The following NAV3 variants were observed in gnomAD, a reference collection of about 807,000 sequenced individuals.
NAV3 encodes the protein neuron navigator 3.
In NAV3, 87 loss-of-function variants were observed where a neutral mutation model predicts 244.7. The ratio of observed to expected loss-of-function variants is 0.36; its 90% CI spans 0.30 to 0.42. The LOEUF (loss-of-function observed/expected upper bound fraction) is 0.42. Ranked by LOEUF, NAV3 falls within the 20% of genes least tolerant of loss-of-function variation. The pLI is 1.00. For missense variants in NAV3, 2,663 were observed against 2,893.3 expected, an observed-to-expected ratio of 0.92 and a Z score of 1.83; for synonymous variants, 1,126 against 1,042.2, an observed-to-expected ratio of 1.08 and a Z score of -1.55.
chr12:77,986,046 G>T (rs1870447021), intron 5 of NAV3, among the ~76,000 whole-genome samples: 1 of 152,058 alleles, frequency 6.6e-6, no homozygotes. Flanking sequence ...ATTCTCACTT[G>T]GAAAAAAACT....
intron 2 of NAV3, among the ~76,000 whole-genome samples, chr12:77,635,401 G>A (rs1435630490): frequency 1.3e-5 from 2 of 152,176 alleles, no homozygotes; most frequent in African/African-American, 4.8e-5. Context: ...CCTTCTAAAA[G>A]AAGGGAATGT....
intron 7 of NAV3, 56 bp from the exon 8 acceptor site, chr12:78,006,363 T>C (rs1387680592): frequency 2.7e-6 from 4 of 1,493,380 alleles, no homozygotes; most frequent in Non-Finnish European, 3.6e-6. Flanking sequence ...AATTATGTAA[T>C]ATAAATGATC....
chr12:77,954,909 A>G (rs1447083517), intron 3 of NAV3, among the ~76,000 whole-genome samples: 1 of 152,170 alleles, frequency 6.6e-6, no homozygotes, highest in Non-Finnish European at 1.5e-5. Context: ...GGATGTATTC[A>G]TTGCAATACT....
chr12:78,047,522 C>A (rs1168890034), intron 9 of NAV3, among the ~76,000 whole-genome samples: 1 of 151,868 alleles, frequency 6.6e-6, no homozygotes, highest in South Asian at 2.1e-4. Context: ...AAAAAATGAA[C>A]GTTGAATATT....
At chr12:77,778,246 C>A (rs7964512) in intron 2 of NAV3, among the ~76,000 whole-genome samples, 80,886 of 143,388 alleles carry the variant, frequency 0.56, 23,023 homozygotes, top group South Asian at 0.69. Flanking sequence ...TTTCCTCCCC[C>A]CCGCCCCCCG....
Position 77,721,561 on chromosome 12 carries a change from G to C in NAV3, c.72+149295G>C, listed in dbSNP as rs144656498. On this transcript the variant is annotated intron_variant, in intron 2 of 8. Coordinates refer to the NAV3 transcript ENST00000550042. ...TAAATTAGTTCTAGATATTTGGTAGGAACATGGGTATAAAAACATGAAATA... is the reference window on the plus strand; with the variant it reads ...TAAATTAGTTCTAGATATTTGGTAGCAACATGGGTATAAAAACATGAAATA... Among the ~76,000 whole-genome samples, 1,156 of 152,144 alleles carry C rather than the reference G, an allele frequency of 7.6e-3. 16 individuals carry two copies. Among genetic ancestry groups the C allele is most frequent in the African/African-American group, 0.027 (1,107 of 41,504 alleles).
chr12:77,875,060 T>A (rs1271773577), intron 1 of NAV3, among the ~76,000 whole-genome samples: 3 of 152,186 alleles, frequency 2.0e-5, no homozygotes, highest in African/African-American at 7.2e-5. Flanking sequence ...CATTAACTGC[T>A]ATGAGTAGAA....
intron 22 of NAV3, among the ~76,000 whole-genome samples, chr12:78,156,562 G>A (rs1032062589): frequency 6.6e-6 from 1 of 152,004 alleles, no homozygotes; most frequent in African/African-American, 2.4e-5. Context: ...GGGTAAAGGA[G>A]AGTAATTTTC....
chr12:78,199,460 A>G lies in NAV3; in HGVS notation c.6644A>G (p.Asp2215Gly). 6.2e-7 allele frequency: 1 copy of G among 1,610,628 alleles called. No individual in the cohort carries two copies. Residue 2215 changes from aspartate (D) to glycine (G), a missense_variant, in exon 37 of 40, where the codon GAT becomes GGT. Physicochemically the swap from Asp to Gly is moderately conservative, Grantham distance 94. Coordinates refer to ENST00000397909, the MANE Select transcript of NAV3 (RefSeq NM_001024383.2). Reference protein sequence around the residue: ...IRNNDLVKIIDWIPKTWHHLN... With the variant: ...IRNNDLVKIIGWIPKTWHHLN... ...AATAATGACCTAGTCAAAATTATAG[A>G]TTGGATTCCGAAGACGTGGCATCAT...
chr12:77,888,054 T>G (rs1883501249), intron 1 of NAV3, among the ~76,000 whole-genome samples: 1 of 151,702 alleles, frequency 6.6e-6, no homozygotes, highest in African/African-American at 2.4e-5. Flanking sequence ...ATTCCTTAAG[T>G]GCTTTCTGGT....
At chr12:77,922,844 G>T (rs914681648) in intron 1 of NAV3, among the ~76,000 whole-genome samples, 11 of 151,920 alleles carry the variant, frequency 7.2e-5, no homozygotes, top group African/African-American at 2.4e-4. Flanking sequence ...AATTTTATGA[G>T]TAATATATTA....
At position 78,150,912 on chromosome 12, in the gene NAV3, T is replaced by C. The variant is rs74107141; in HGVS notation, c.4785+1993T>C. Among the ~76,000 whole-genome samples the C allele has an allele frequency of 3.8e-3, 583 of 152,132 alleles. 5 individuals are homozygous for C. Among genetic ancestry groups the C allele is most frequent in the African/African-American group, 0.013 (537 of 41,522 alleles). On this transcript the variant is annotated intron_variant, in intron 22 of 39. Transcript: ENST00000397909. ...AAGGGTGAAAACAGGTTCTTGCATT[T>C]TTTTAAGTACTCTTTTTATGTGAAA...
At chr12:77,842,804 G>A (rs1875917834) in intron 1 of NAV3, among the ~76,000 whole-genome samples, 1 of 152,122 alleles carries the variant, frequency 6.6e-6, no homozygotes, top group South Asian at 2.1e-4. Context: ...CTTTTTAAAT[G>A]CAAGGTGAAT....
intron 2 of NAV3, among the ~76,000 whole-genome samples, chr12:77,822,518 T>G (rs1872787494): frequency 6.6e-6 from 1 of 152,294 alleles, no homozygotes; most frequent in Non-Finnish European, 1.5e-5. Context: ...TCAGTGGGAA[T>G]ACTGGTAAGA....
intron 1 of NAV3, among the ~76,000 whole-genome samples, chr12:77,910,019 G>T (rs1308646795): frequency 6.6e-6 from 1 of 152,062 alleles, no homozygotes; most frequent in East Asian, 1.9e-4. Flanking sequence ...ATTTTTAACA[G>T]AATAGCACGA....
intron 2 of NAV3, among the ~76,000 whole-genome samples, chr12:77,711,923 C>G (rs11106390): frequency 1.3e-5 from 2 of 152,138 alleles, no homozygotes; most frequent in African/African-American, 2.4e-5. Context: ...TGGGCTGTTT[C>G]TATAGCCCTC....
Position 78,119,565 on chromosome 12 carries a change from T to C in NAV3, c.3369T>C (p.Val1123=), listed in dbSNP as rs61754962. Reference sequence around the variant, plus strand: ...ACGGTTCACAGAATCAGGATGATGTTGTGCTGCATGTTAGCTCAAAGACTA... The same window carrying C: ...ACGGTTCACAGAATCAGGATGATGTCGTGCTGCATGTTAGCTCAAAGACTA... ...SLDGSQNQDD[V]VLHVSSKTTL... is the part of the protein sequence containing the mutation. The change falls in exon 15 of 40, where the codon GTT becomes GTC. Residue 1123 remains valine, a synonymous_variant. Coordinates refer to ENST00000397909, the MANE Select transcript of NAV3 (RefSeq NM_001024383.2). 3 of 1,614,156 alleles carry C rather than the reference T, an allele frequency of 1.9e-6. No homozygotes were observed. Among genetic ancestry groups the C allele is most frequent in the Non-Finnish European group, 8.5e-7 (1 of 1,180,032 alleles).
rs1236478396 is a variant in NAV3, at chr12:78,180,856, C to T, written c.5518-15C>T. On this transcript the variant is annotated splice_polypyrimidine_tract_variant and intron_variant, in intron 29 of 39. Transcript: ENST00000397909. ...ACCAACTCAGTTTTTTTCATGTTTTCCATCTTCATAACAGAATGAAATTGA... is the reference window on the plus strand; with the variant it reads ...ACCAACTCAGTTTTTTTCATGTTTTTCATCTTCATAACAGAATGAAATTGA... 1.3e-6 allele frequency: 2 copies of T among 1,591,608 alleles called. No homozygotes were observed. The highest frequency in any genetic ancestry group is 1.7e-6 in the Non-Finnish European group (2 of 1,167,934).
At chr12:77,695,255 G>A (rs1875242024) in intron 2 of NAV3, among the ~76,000 whole-genome samples, 1 of 152,070 alleles carries the variant, frequency 6.6e-6, no homozygotes, top group Non-Finnish European at 1.5e-5. Context: ...TTTCCCCAAT[G>A]TTTTCTGTAG....
Sources: allele counts gnomAD v4.1 joint callset (sites outside exome capture counted in the v4.1 genomes callset), GRCh38; gene constraint gnomAD v4.1.1; transcripts MANE v1.5; gene names NCBI Gene and HGNC (gene_info 2026-07-23, HGNC 2026-07-21).